The following SARS2 variants were observed in gnomAD, a reference collection of about 807,000 sequenced individuals.
SARS2 encodes seryl-tRNA synthetase 2, mitochondrial.
In SARS2, 52 loss-of-function variants were observed where a neutral mutation model predicts 66.8. The ratio of observed to expected loss-of-function variants is 0.78; its 90% confidence interval spans 0.62 to 0.98. The LOEUF is 0.98. Ranked by LOEUF, SARS2 falls within the 50% of genes least tolerant of loss-of-function variation. The pLI is 0.00. For synonymous variants in SARS2, 306 were observed against 281.4 expected, an observed-to-expected ratio of 1.09 and a Z score of -0.87; for missense variants, 673 against 706.3, an observed-to-expected ratio of 0.95 and a Z score of 0.53.
At position 38,918,749 on chromosome 19, in the gene SARS2, G is replaced by A. The variant is rs1260716276; in HGVS notation, c.807+17C>T. On this transcript the variant is annotated intron_variant, in intron 8 of 15. Transcript: ENST00000221431. ...TGACACCCAGGTGGGCGAGGGAAGC[G>A]GAGAGGCCTCACTCACAAACACTGC... is the stretch of plus-strand genomic sequence containing the variant. 1.9e-6 allele frequency: 3 copies of A among 1,556,882 alleles called. No individual in the cohort carries two copies. Among genetic ancestry groups the A allele is most frequent in the South Asian group, 1.2e-5 (1 of 84,452 alleles).
intron 7 of SARS2, 136 bp from the exon 8 acceptor site, chr19:38,918,949 A>G (rs1974469758): frequency 2.5e-6 from 2 of 811,220 alleles, no homozygotes; most frequent in African/African-American, 1.7e-5. Context: ...TGGCTCACCC[A>G]TGTAATCCCA....
Position 38,916,205 on chromosome 19 carries a change from GC to G in SARS2, c.1254+15del. Reference sequence around the variant, plus strand: ...TGTCCTCCTGCCCACCCCGTCCCCAGCGGCACAGGGCTCACCTCTCCAAAGC... The same window carrying G: ...TGTCCTCCTGCCCACCCCGTCCCCAGGGCACAGGGCTCACCTCTCCAAAGC... On this transcript the variant is annotated intron_variant, in intron 13 of 15. Coordinates refer to ENST00000221431, the MANE Select transcript of SARS2 (RefSeq NM_017827.4). 1.2e-6 allele frequency: 2 copies of G among 1,613,750 alleles called. No individual in the cohort carries two copies. The highest frequency in any genetic ancestry group is 1.7e-6 in the Non-Finnish European group (2 of 1,179,686).
intron 5 of SARS2, among the ~76,000 whole-genome samples, chr19:38,921,070 T>TACACAC (rs200809697): frequency 8.7e-5 from 6 of 68,770 alleles, no homozygotes; most frequent in African/African-American, 2.9e-4. Flanking sequence ...CACATACAGA[T>TACACAC]ACAGACACAC....
At chr19:38,926,388 G>A (rs997206726) in intron 1 of SARS2, 88 bp from the exon 2 acceptor site, 60 of 1,202,360 alleles carry the variant, frequency 5.0e-5, no homozygotes, top group Admixed American at 3.4e-4. Flanking sequence ...GACCTGCGGC[G>A]CAGTGAGGCA....
intron 5 of SARS2, 30 bp downstream of exon 5, chr19:38,921,362 G>C: frequency 6.2e-7 from 1 of 1,611,344 alleles, no homozygotes; most frequent in East Asian, 2.2e-5. Context: ...CGCAGGGCTT[G>C]TCAGCTCCCA....
intron 1 of SARS2, chr19:38,930,134 C>T: frequency 3.3e-6 from 1 of 299,550 alleles, no homozygotes; most frequent in East Asian, 6.6e-5. Context: ...TCCCCATTTT[C>T]CTTTGTGGTC....
In SARS2 at chr19:38,917,811, C is replaced by T. The variant is rs1974444237; in HGVS notation, c.1073G>A (p.Gly358Asp). The change falls in exon 12 of 16, where the codon GGC becomes GAC. Residue 358 changes from glycine to aspartate, a missense_variant. Physicochemically the swap from Gly to Asp is moderately conservative, Grantham distance 94 (BLOSUM62 -1). Coordinates refer to ENST00000221431, the MANE Select transcript of SARS2 (RefSeq NM_017827.4). ...CTGTGAGCTCTGCTCCAGCCCAGGG[C>T]CTGTCACCCCAAACATCTCCACCTG... is the stretch of plus-strand genomic sequence containing the variant. ...FTKVEMFGVT[G>D]PGLEQSSQLL... 1 of 1,614,036 alleles carries T rather than the reference C, an allele frequency of 6.2e-7. No individual in the cohort carries two copies. The highest frequency in any genetic ancestry group is 8.5e-7 in the Non-Finnish European group (1 of 1,180,006).
intron 12 of SARS2, 145 bp downstream of exon 12, chr19:38,917,579 A>G: frequency 1.4e-6 from 1 of 712,118 alleles, no homozygotes. Flanking sequence ...GGGATCCTGT[A>G]TATGCTCCTG....
Position 38,915,338 on chromosome 19 carries a change from C to T in SARS2, c.*268G>A. The T allele has an allele frequency of 1.8e-6, 1 of 555,242 alleles. No homozygotes were observed. The highest frequency in any genetic ancestry group is 2.6e-5 in the South Asian group (1 of 38,966). The allele number at this position is 555,242 out of a possible 1,614,324, so 34.4% of individuals were successfully genotyped here. A position where few individuals can be genotyped will look rare whatever the true frequency, so the allele number is the denominator to read the frequency against. On this transcript the variant is annotated 3_prime_UTR_variant, in exon 16 of 16. Coordinates refer to ENST00000221431, the MANE Select transcript of SARS2 (RefSeq NM_017827.4). ...GAAAGAAGGAAGGAGGGATGGAAGC[C>T]TCTTCCTCTGCTTCTCCTGTCCCTA...
At chr19:38,917,679 C>G (rs769028967) in intron 12 of SARS2, 45 bp downstream of exon 12, 12 of 1,005,112 alleles carry the variant, frequency 1.2e-5, no homozygotes, top group South Asian at 6.3e-5. Context: ...TGTCCCTCCC[C>G]TACCCCACCC....
intron 2 of SARS2, among the ~76,000 whole-genome samples, chr19:38,924,859 T>C (rs902339954): frequency 3.9e-5 from 6 of 152,228 alleles, no homozygotes; most frequent in South Asian, 2.1e-4. Context: ...AGCTGTAAAA[T>C]TGGGTTTGTA....
chr19:38,921,865 C>T (rs1384402110), intron 3 of SARS2, 198 bp from the exon 4 acceptor site: 1 of 1,331,056 alleles, frequency 7.5e-7, no homozygotes, highest in African/African-American at 1.5e-5. Flanking sequence ...GCCTGGCCAA[C>T]TAGAACGTTC....
In SARS2 at chr19:38,915,484, C is replaced by A. The variant is rs536248183; in HGVS notation, c.*122G>T. On this transcript the variant is annotated 3_prime_UTR_variant, in exon 16 of 16. Coordinates refer to ENST00000221431, the MANE Select transcript of SARS2 (RefSeq NM_017827.4). Reference sequence around the variant, plus strand: ...GGACCCCGTGGTCCAGGGGCCCGGGCGTGGAGCTGACAGGAAGAACACAGA... The same window carrying A: ...GGACCCCGTGGTCCAGGGGCCCGGGAGTGGAGCTGACAGGAAGAACACAGA... The A allele has an allele frequency of 1.0e-5, 12 of 1,204,468 alleles. No individual in the cohort carries two copies. In the South Asian group the frequency reaches 1.6e-4, roughly 16 times the overall value. 74.6% of individuals were successfully genotyped at this position (1,204,468 alleles called of 1,614,324 possible).
intron 8 of SARS2, 38 bp from the exon 9 acceptor site, chr19:38,918,568 G>C (rs1478273354): frequency 2.6e-6 from 4 of 1,524,990 alleles, no homozygotes; most frequent in Non-Finnish European, 2.7e-6. Flanking sequence ...TCAGGGGACA[G>C]GTAACCCTGG....
intron 1 of SARS2, among the ~76,000 whole-genome samples, chr19:38,927,513 G>A (rs1390532199): frequency 1.3e-5 from 2 of 151,690 alleles, no homozygotes; most frequent in Non-Finnish European, 2.9e-5. Flanking sequence ...GAGCCTGAGA[G>A]GCTGCCATGA....
chr19:38,929,961 CA>C (rs1408684014), intron 1 of SARS2: 3 of 154,728 alleles, frequency 1.9e-5, no homozygotes, highest in African/African-American at 7.2e-5. Context: ...CCTTAAGTAT[CA>C]GTTTAATAGA....
intron 3 of SARS2, chr19:38,921,871 C>T (rs992002772): frequency 4.4e-5 from 59 of 1,336,634 alleles, no homozygotes; most frequent in Middle Eastern, 3.7e-4. Context: ...CCAACTAGAA[C>T]GTTCTATTGC....
intron 2 of SARS2, among the ~76,000 whole-genome samples, chr19:38,925,856 G>C (rs1974618302): frequency 6.6e-6 from 1 of 152,052 alleles, no homozygotes; most frequent in Non-Finnish European, 1.5e-5. Context: ...TCGCTCTGTC[G>C]CCCAGGCTGG....
At chr19:38,929,100 C>T (rs926301597) in intron 1 of SARS2, among the ~76,000 whole-genome samples, 5 of 151,848 alleles carry the variant, frequency 3.3e-5, no homozygotes, top group Admixed American at 2.6e-4. Context: ...GCCTGTAATC[C>T]CAGCTACTCG....
Sources: allele counts gnomAD v4.1 joint callset (sites outside exome capture counted in the v4.1 genomes callset), GRCh38; gene constraint gnomAD v4.1.1; transcripts MANE v1.5; gene names NCBI Gene and HGNC (gene_info 2026-07-23, HGNC 2026-07-21).